Variants in TSHZ1 observed in about 807,000 individuals in gnomAD.
TSHZ1 encodes the protein teashirt zinc finger homeobox 1.
Under a neutral mutation model 67.1 loss-of-function variants are expected in TSHZ1, and 12 were observed. That is an observed-to-expected ratio of 0.18 (90% CI 0.11 to 0.29). The LOEUF (loss-of-function observed/expected upper bound fraction) is 0.29. Among genes scored for constraint, TSHZ1 ranks in the 10% least tolerant of loss-of-function variants. The probability of loss-of-function intolerance (pLI) is 1.00; values close to 1 mark genes in which losing one functional copy is unlikely to be tolerated. For synonymous variants in TSHZ1, 632 were observed against 622.4 expected, an observed-to-expected ratio of 1.02 and a Z score of -0.23; for missense variants, 1,305 against 1,413.9, an observed-to-expected ratio of 0.92 and a Z score of 1.23.
intron 1 of TSHZ1, among the ~76,000 whole-genome samples, chr18:75,256,769 G>A (rs2023366091): frequency 6.6e-6 from 1 of 152,152 alleles, no homozygotes; most frequent in Non-Finnish European, 1.5e-5. Flanking sequence ...AAGTTTTTGG[G>A]TAATTCCTGA....
intron 1 of TSHZ1, among the ~76,000 whole-genome samples, chr18:75,238,459 G>A (rs551870869): frequency 2.0e-5 from 3 of 152,266 alleles, no homozygotes; most frequent in Admixed American, 6.5e-5. Context: ...TGGGAAAAGC[G>A]TCGACATGGA....
rs2022700214 is a variant in TSHZ1, at chr18:75,212,001, T to TGGGCCGC, written c.40+93_40+99dup. On this transcript the variant is annotated intron_variant, in intron 1 of 1. Coordinates refer to ENST00000580243, the MANE Select transcript of TSHZ1 (RefSeq NM_001308210.2). Reference sequence around the variant, plus strand: ...GCTTCGCGGGCCGAGGTGCGGGACGTGGGCCGCGGGCCGCCCCAAGCTGGG... The same window carrying TGGGCCGC: ...GCTTCGCGGGCCGAGGTGCGGGACGTGGGCCGCGGGCCGCGGGCCGCCCCAAGCTGGG... 3 of 1,065,328 alleles carry TGGGCCGC rather than the reference T, an allele frequency of 2.8e-6. No homozygotes were observed. The East Asian group carries it at 1.1e-4, about 40-fold the overall frequency. The allele number at this position is 1,065,328 out of a possible 1,614,324, so 66.0% of individuals were successfully genotyped here.
chr18:75,232,240 C>T (rs1055139891), intron 1 of TSHZ1, among the ~76,000 whole-genome samples: 4 of 152,046 alleles, frequency 2.6e-5, no homozygotes, highest in Non-Finnish European at 4.4e-5. Context: ...GGCTAGATTT[C>T]CCTCATTTTG....
chr18:75,270,084 T>C (rs528406384), intron 1 of TSHZ1, among the ~76,000 whole-genome samples: 8 of 152,358 alleles, frequency 5.3e-5, no homozygotes, highest in African/African-American at 1.9e-4. Flanking sequence ...AGTTTTAAAC[T>C]CATGCCACTT....
At chr18:75,253,671 G>A (rs1449484250) in intron 1 of TSHZ1, among the ~76,000 whole-genome samples, 1 of 152,210 alleles carries the variant, frequency 6.6e-6, no homozygotes, top group Non-Finnish European at 1.5e-5. Flanking sequence ...GGCAGGAAAA[G>A]GGGCTTAAAC....
At chr18:75,270,618 G>T (rs2023545321) in intron 1 of TSHZ1, among the ~76,000 whole-genome samples, 2 of 152,148 alleles carry the variant, frequency 1.3e-5, no homozygotes, top group South Asian at 4.1e-4. Context: ...GAAAAAAATT[G>T]CTTCTGATGA....
At chr18:75,257,519 G>C (rs940875882) in intron 1 of TSHZ1, among the ~76,000 whole-genome samples, 3 of 151,856 alleles carry the variant, frequency 2.0e-5, no homozygotes, top group African/African-American at 7.3e-5. Context: ...AAGGATTATT[G>C]ATTATCTGAG....
chr18:75,250,648 G>A (rs535612276), intron 1 of TSHZ1, among the ~76,000 whole-genome samples: 1 of 152,364 alleles, frequency 6.6e-6, no homozygotes, highest in Non-Finnish European at 1.5e-5. Context: ...AACGGCCTTG[G>A]CCCGGGGAAA....
At chr18:75,222,662 T>C (rs1012946059) in intron 1 of TSHZ1, among the ~76,000 whole-genome samples, 3 of 152,084 alleles carry the variant, frequency 2.0e-5, no homozygotes, top group Non-Finnish European at 4.4e-5. Context: ...TTATGCAAAA[T>C]GAGATGCTAA....
Position 75,230,508 on chromosome 18 carries a change from A to T in TSHZ1, c.40+18592A>T, listed in dbSNP as rs73481913. Among the ~76,000 whole-genome samples the T allele has an allele frequency of 7.2e-3, 1,099 of 152,262 alleles. 9 individuals are homozygous for T. The highest frequency in any genetic ancestry group is 0.025 in the African/African-American group (1,048 of 41,528). The stretch of plus-strand genomic sequence containing the variant: ...GAGCTCAGCAAATGTCATGAAAACC[A>T]TTGTTTTTTAATTTTTTTCTTGGAG... On this transcript the variant is annotated intron_variant, in intron 1 of 1. Coordinates refer to ENST00000580243, the MANE Select transcript of TSHZ1 (RefSeq NM_001308210.2).
At chr18:75,283,915 C>T (rs2023717967) in intron 1 of TSHZ1, 1 of 152,210 alleles carries the variant, frequency 6.6e-6, no homozygotes, top group Non-Finnish European at 1.5e-5. Context: ...GTCTGTGCTC[C>T]TTGTCGTGTT....
chr18:75,285,586 A>G lies in TSHZ1; in HGVS notation c.179A>G (p.Gln60Arg), dbSNP rs774306161. 1.0e-5 allele frequency: 16 copies of G among 1,605,652 alleles called. No homozygotes were observed. In the East Asian group the frequency reaches 3.6e-4, roughly 36 times the overall value. The change falls in exon 2 of 2, where the codon CAG becomes CGG. Residue 60 changes from glutamine to arginine, a missense_variant. Gln to Arg is a conservative substitution (Grantham distance 43). Coordinates refer to ENST00000580243, the MANE Select transcript of TSHZ1 (RefSeq NM_001308210.2). Reference sequence around the variant, plus strand: ...GAGATCAAAGAGGCGCAGAGCTACCAGAACTCCCCAGTCAGCTCTGCGACT... The same window carrying G: ...GAGATCAAAGAGGCGCAGAGCTACCGGAACTCCCCAGTCAGCTCTGCGACT... ...ETEIKEAQSY[Q>R]NSPVSSATNQ...
intron 1 of TSHZ1, among the ~76,000 whole-genome samples, chr18:75,273,016 C>A (rs1411370205): frequency 6.6e-6 from 1 of 152,120 alleles, no homozygotes; most frequent in African/African-American, 2.4e-5. Flanking sequence ...TATTTTGCCA[C>A]CGAGGAGGAA....
intron 1 of TSHZ1, among the ~76,000 whole-genome samples, chr18:75,218,259 T>A (rs1330342243): frequency 2.0e-5 from 3 of 152,236 alleles, no homozygotes; most frequent in Admixed American, 2.0e-4. Flanking sequence ...TCTTGACAGG[T>A]GTCAATTAAG....
chr18:75,224,769 G>A (rs189610946), intron 1 of TSHZ1, among the ~76,000 whole-genome samples: 12 of 152,256 alleles, frequency 7.9e-5, no homozygotes, highest in Admixed American at 2.0e-4. Context: ...GGGGTGCGGC[G>A]GGCATTGGAT....
chr18:75,287,157 C>G lies in TSHZ1; in HGVS notation c.1750C>G (p.Gln584Glu), dbSNP rs2023782508. Residue 584 changes from glutamine to glutamate, a missense_variant, in exon 2 of 2, where the codon CAG (glutamine) becomes GAG (glutamate). By Grantham distance (29) the Gln-to-Glu change is conservative (BLOSUM62 2). Coordinates refer to ENST00000580243, the MANE Select transcript of TSHZ1 (RefSeq NM_001308210.2). The surrounding 1 kb of genome is among the most constrained non-coding windows in gnomAD (Gnocchi z 5.0). ...GGYPSIHAAY[Q>E]LPGTVKPLPA... ...CTACCCCAGCATCCATGCAGCCTAC[C>G]AGCTCCCGGGCACCGTGAAGCCACT... is the stretch of plus-strand genomic sequence containing the variant. 7.4e-6 allele frequency: 12 copies of G among 1,613,820 alleles called. No homozygotes were observed. Among genetic ancestry groups the G allele is most frequent in the Non-Finnish European group, 1.0e-5 (12 of 1,179,966 alleles).
At chr18:75,233,859 T>C (rs1375607648) in intron 1 of TSHZ1, among the ~76,000 whole-genome samples, 1 of 152,176 alleles carries the variant, frequency 6.6e-6, no homozygotes, top group Non-Finnish European at 1.5e-5. Context: ...CTGTGGAGGA[T>C]GCGGTTCACT....
chr18:75,263,409 C>T (rs537268437), intron 1 of TSHZ1, among the ~76,000 whole-genome samples: 31 of 152,222 alleles, frequency 2.0e-4, no homozygotes, highest in African/African-American at 6.5e-4. Flanking sequence ...TGTTAAATAT[C>T]GGTATAAATA....
chr18:75,269,283 A>G (rs1209204360), intron 1 of TSHZ1, among the ~76,000 whole-genome samples: 2 of 152,180 alleles, frequency 1.3e-5, no homozygotes, highest in African/African-American at 4.8e-5. Flanking sequence ...TTCACTATCC[A>G]GCCTGTAGTT....
Sources: gnomAD v4.1 joint callset for allele counts (sites outside exome capture counted in the v4.1 genomes callset) on GRCh38, gnomAD v4.1.1 for gene constraint, Gnocchi (gnomAD v3.1) non-coding constraint, MANE v1.5 for transcripts, NCBI Gene and HGNC (gene_info 2026-07-23, HGNC 2026-07-21) for gene names.